SPRR2B: variants seen among roughly 807,000 people sequenced by gnomAD.
SPRR2B encodes the protein small proline rich protein 2B.
SPRR2B carries 1 observed loss-of-function variant against 1.0 expected under a neutral mutation model. That is an observed-to-expected ratio of 1.01 (90% CI 0.36 to 4.77). The LOEUF (loss-of-function observed/expected upper bound fraction) is 4.77. Ranked by LOEUF, SPRR2B falls within the 30% of genes most tolerant of loss-of-function variation. The pLI, the probability that SPRR2B is intolerant of heterozygous loss-of-function variation, is 0.16. For missense variants in SPRR2B, 53 were observed against 88.7 expected (o/e 0.60, Z 1.62); for synonymous variants, 27 against 33.4 (o/e 0.81, Z 0.66).
chr1:153,083,198 A>G, the SPRR2B span, among the ~76,000 whole-genome samples: 35 of 152,320 alleles, frequency 2.3e-4, no homozygotes, highest in Middle Eastern at 3.4e-3. Context: ...TTGAATCACT[A>G]ATGTAAAATC....
rs1363546638 is a variant in SPRR2B, at chr1:153,070,469, T to C, written c.*152A>G. 4.3e-6 allele frequency: 6 copies of C among 1,388,576 alleles called. No homozygotes were observed. The highest frequency in any genetic ancestry group is 5.8e-6 in the Non-Finnish European group (6 of 1,032,198). 86.0% of individuals were successfully genotyped at this position (1,388,576 alleles called of 1,614,324 possible). Reference sequence around the variant, plus strand: ...GCCTTAGAAAGGAAACCTTTTGCTATCAGGGAACATCATGGGCAGATCACA... The same window carrying C: ...GCCTTAGAAAGGAAACCTTTTGCTACCAGGGAACATCATGGGCAGATCACA... On this transcript the variant is annotated 3_prime_UTR_variant, in exon 2 of 2. Coordinates refer to ENST00000368755, the MANE Select transcript of SPRR2B (RefSeq NM_001388198.1).
chr1:153,084,108 A>T, the SPRR2B span, among the ~76,000 whole-genome samples: 1 of 152,148 alleles, frequency 6.6e-6, no homozygotes, highest in African/African-American at 2.4e-5. Context: ...GGCAGATCAC[A>T]GCTAACAAAT....
At chr1:153,079,247 T>C in the SPRR2B span, among the ~76,000 whole-genome samples, 2 of 152,106 alleles carry the variant, frequency 1.3e-5, no homozygotes, top group Non-Finnish European at 2.9e-5. Context: ...TTGAGTTCAG[T>C]GTGGATTCTG....
At chr1:153,085,181 G>T in the SPRR2B span, among the ~76,000 whole-genome samples, 1 of 152,146 alleles carries the variant, frequency 6.6e-6, no homozygotes, top group African/African-American at 2.4e-5. Context: ...AGCTAGGATG[G>T]CTGAAGTGGC....
At chr1:153,083,269 C>G in the SPRR2B span, among the ~76,000 whole-genome samples, 1 of 152,154 alleles carries the variant, frequency 6.6e-6, no homozygotes, top group Non-Finnish European at 1.5e-5. Context: ...AACAATCCTT[C>G]TCAAAATCTT....
chr1:153,082,199 T>C, the SPRR2B span, among the ~76,000 whole-genome samples: 2 of 152,168 alleles, frequency 1.3e-5, no homozygotes, highest in East Asian at 3.8e-4. Flanking sequence ...ATAGCTTTAC[T>C]ACAGAAAATT....
chr1:153,078,163 T>C, the SPRR2B span, among the ~76,000 whole-genome samples: 1 of 152,188 alleles, frequency 6.6e-6, no homozygotes, highest in South Asian at 2.1e-4. Context: ...CAACTATTTG[T>C]TGTTTACAAT....
upstream of SPRR2B, among the ~76,000 whole-genome samples, chr1:153,076,100 T>C (rs1481680354): frequency 6.6e-6 from 1 of 152,196 alleles, no homozygotes; most frequent in Non-Finnish European, 1.5e-5. Context: ...TAATGTTACC[T>C]CTAATTTAGT....
chr1:153,084,148 G>A, the SPRR2B span, among the ~76,000 whole-genome samples: 1 of 152,150 alleles, frequency 6.6e-6, no homozygotes, highest in African/African-American at 2.4e-5. Context: ...GCTGCCCGTG[G>A]TCACCCACCA....
the SPRR2B span, among the ~76,000 whole-genome samples, chr1:153,087,295 A>G: frequency 1.3e-5 from 2 of 152,182 alleles, no homozygotes; most frequent in South Asian, 2.1e-4. Flanking sequence ...GAAAAAAAAA[A>G]TCTGGAAAGA....
In SPRR2B at chr1:153,070,710, G is replaced by A. The variant is rs749709146; in HGVS notation, c.130C>T (p.Pro44Ser). 8 of 1,610,508 alleles carry A rather than the reference G, an allele frequency of 5.0e-6. No homozygotes were observed. In the African/African-American group the frequency reaches 6.7e-5, roughly 13 times the overall value. Residue 44 changes from proline to serine, a missense_variant, in exon 2 of 2, where the codon CCC (proline) becomes TCC (serine). Transcript: ENST00000368755. Reference sequence around the variant, plus strand: ...TGCTGGCACTGCTGAGGTGGGCAGGGCTGTGGACACTTTGGTGGTGGGCAG... The same window carrying A: ...TGCTGGCACTGCTGAGGTGGGCAGGACTGTGGACACTTTGGTGGTGGGCAG... ...EPCPPPKCPQ[P>S]CPPQQCQQKY...
the SPRR2B span, among the ~76,000 whole-genome samples, chr1:153,086,470 G>A: frequency 5.3e-5 from 8 of 152,170 alleles, no homozygotes; most frequent in Non-Finnish European, 1.2e-4. Context: ...AAAGCAACAA[G>A]ACAACCTAAC....
chr1:153,077,785 T>C, the SPRR2B span, among the ~76,000 whole-genome samples: 1 of 152,190 alleles, frequency 6.6e-6, no homozygotes, highest in Non-Finnish European at 1.5e-5. Flanking sequence ...CAGCTAATTT[T>C]TGTATTTTTA....
At chr1:153,073,907 C>CT (rs1245167471), upstream of SPRR2B, among the ~76,000 whole-genome samples, 1 of 152,090 alleles carries the variant, frequency 6.6e-6, no homozygotes, top group South Asian at 2.1e-4. Context: ...AAATACTTTA[C>CT]TTTTTTGTGA....
At chr1:153,075,378 T>TA (rs995402658), upstream of SPRR2B, among the ~76,000 whole-genome samples, 24 of 148,778 alleles carry the variant, frequency 1.6e-4, no homozygotes, top group Admixed American at 4.7e-4. Context: ...AAAATAAAAA[T>TA]AAAAAAAAAC....
At chr1:153,072,614 G>C (rs2101611705), upstream of SPRR2B, among the ~76,000 whole-genome samples, 1 of 152,258 alleles carries the variant, frequency 6.6e-6, no homozygotes, top group Middle Eastern at 3.4e-3. Context: ...GATCCTATAT[G>C]TTTGCTTTCT....
At chr1:153,075,635 C>T (rs76257006), upstream of SPRR2B, among the ~76,000 whole-genome samples, 1 of 152,130 alleles carries the variant, frequency 6.6e-6, no homozygotes, top group East Asian at 1.9e-4. Flanking sequence ...GCACAGGCTA[C>T]AGAGAGTACT....
At position 153,070,530 on chromosome 1, in the gene SPRR2B, T is replaced by C. The variant is rs1326289068; in HGVS notation, c.*91A>G. On this transcript the variant is annotated 3_prime_UTR_variant, in exon 2 of 2. Coordinates refer to ENST00000368755, the MANE Select transcript of SPRR2B (RefSeq NM_001388198.1). ...AAAGAAGCTCCCTATGAATCCATGA[T>C]AAGCTTTGATGAGAAGATGAAGGTG... The C allele has an allele frequency of 6.5e-7, 1 of 1,546,840 alleles. No homozygotes were observed. The highest frequency in any genetic ancestry group is 8.7e-7 in the Non-Finnish European group (1 of 1,145,506).
At chr1:153,071,661 C>A (rs1654669861), upstream of SPRR2B, among the ~76,000 whole-genome samples, 1 of 152,192 alleles carries the variant, frequency 6.6e-6, no homozygotes, top group South Asian at 2.1e-4. Flanking sequence ...CCCCACCCAG[C>A]AGGAAGTGGA....
Sources: allele counts gnomAD v4.1 joint callset (sites outside exome capture counted in the v4.1 genomes callset), GRCh38; gene constraint gnomAD v4.1.1; transcripts MANE v1.5; gene names NCBI Gene and HGNC (gene_info 2026-07-23, HGNC 2026-07-21).